MACROD2: variants seen among roughly 807,000 people sequenced by gnomAD.
MACROD2 encodes ADP-ribose glycohydrolase MACROD2.
MACROD2 carries 36 observed loss-of-function variants against 70.4 expected under a neutral mutation model. That is an observed-to-expected ratio of 0.51 (90% CI 0.39 to 0.68). The LOEUF (loss-of-function observed/expected upper bound fraction) is 0.68, where lower values mean the gene tolerates loss of function less well. Ranked by LOEUF, MACROD2 falls within the 30% of genes least tolerant of loss-of-function variation. The probability of loss-of-function intolerance (pLI) is 0.00; values close to 1 mark genes in which losing one functional copy is unlikely to be tolerated. For synonymous variants in MACROD2, 172 were observed against 178.8 expected, an observed-to-expected ratio of 0.96 and a Z score of 0.30; for missense variants, 496 against 538.4, an observed-to-expected ratio of 0.92 and a Z score of 0.78.
chr20:15,418,165 T>A (rs1356604325), intron 6 of MACROD2, among the ~76,000 whole-genome samples: 2 of 152,194 alleles, frequency 1.3e-5, no homozygotes, highest in Non-Finnish European at 2.9e-5. Context: ...TTTCTGTCAG[T>A]CTTACTTGGT....
chr20:16,022,496 T>C (rs1234263469), intron 15 of MACROD2, among the ~76,000 whole-genome samples: 1 of 152,232 alleles, frequency 6.6e-6, no homozygotes, highest in Non-Finnish European at 1.5e-5. Context: ...CCAATGACTC[T>C]CAAGCTTTTA....
In MACROD2 at chr20:14,810,205, A is replaced by T. The variant is rs556748957; in HGVS notation, c.418+125246A>T. The stretch of plus-strand genomic sequence containing the variant: ...AAAATCCTCAATAAAATACTGGCAA[A>T]CCAAATCCAACAGCATATCAAAAAA... On this transcript the variant is annotated intron_variant, in intron 5 of 17. Transcript: ENST00000684519. Among the ~76,000 whole-genome samples, 135 of 152,274 alleles carry T rather than the reference A, an allele frequency of 8.9e-4. 1 individual carries two copies. The highest frequency in any genetic ancestry group is 1.5e-3 in the Non-Finnish European group (104 of 67,996).
chr20:15,253,930 A>G (rs898744088), intron 6 of MACROD2, among the ~76,000 whole-genome samples: 1 of 152,190 alleles, frequency 6.6e-6, no homozygotes, highest in African/African-American at 2.4e-5. Context: ...ATGTAATTTT[A>G]TTCTCCAAGG....
At chr20:15,021,117 TAC>T (rs201279561) in intron 5 of MACROD2, among the ~76,000 whole-genome samples, 2 of 118,930 alleles carry the variant, frequency 1.7e-5, no homozygotes, top group African/African-American at 6.8e-5. Flanking sequence ...TGTATGTGTA[TAC>T]ACGTGTGTAT....
intron 8 of MACROD2, among the ~76,000 whole-genome samples, chr20:15,850,412 C>T (rs534167163): frequency 1.3e-5 from 2 of 152,204 alleles, no homozygotes; most frequent in African/African-American, 4.8e-5. Flanking sequence ...AGCCCTCAGG[C>T]AAAGAAGTGC....
chr20:15,602,049 T>G (rs1317267138), intron 8 of MACROD2, among the ~76,000 whole-genome samples: 1 of 151,770 alleles, frequency 6.6e-6, no homozygotes, highest in Admixed American at 6.6e-5. Flanking sequence ...GAACTTGAAC[T>G]GTTTCGATTC....
intron 4 of MACROD2, among the ~76,000 whole-genome samples, chr20:14,596,963 T>A (rs1436252472): frequency 2.6e-5 from 4 of 152,218 alleles, no homozygotes; most frequent in Non-Finnish European, 5.9e-5. Flanking sequence ...GGAAATTTGA[T>A]GTTAAGTATC....
intron 8 of MACROD2, among the ~76,000 whole-genome samples, chr20:15,593,134 T>G (rs773274572): frequency 6.6e-6 from 1 of 152,162 alleles, no homozygotes; most frequent in Non-Finnish European, 1.5e-5. Flanking sequence ...TTCTTTATCA[T>G]TGTGTGTTAG....
chr20:15,155,985 G>T (rs989365800), intron 5 of MACROD2, among the ~76,000 whole-genome samples: 2 of 152,152 alleles, frequency 1.3e-5, no homozygotes, highest in Non-Finnish European at 2.9e-5. Context: ...TGGTGTGTGG[G>T]TTTTAAATAA....
At position 14,748,474 on chromosome 20, in the gene MACROD2, A is replaced by G. The variant is rs543297639; in HGVS notation, c.418+63515A>G. Among the ~76,000 whole-genome samples the G allele has an allele frequency of 1.6e-4, 24 of 152,232 alleles. 1 individual carries two copies. Among genetic ancestry groups the G allele is most frequent in the African/African-American group, 4.6e-4 (19 of 41,490 alleles). ...TTGTAAATATTTGTCACGAACTATC[A>G]AGAAGCAGAAATTTTGTATCTTAAC... On this transcript the variant is annotated intron_variant, in intron 5 of 17. Coordinates refer to ENST00000684519, the MANE Select transcript of MACROD2 (RefSeq NM_001351661.2).
At chr20:14,645,614 C>T (rs1473042495) in intron 4 of MACROD2, among the ~76,000 whole-genome samples, 1 of 151,934 alleles carries the variant, frequency 6.6e-6, no homozygotes, top group Admixed American at 6.6e-5. Context: ...TATCATACTT[C>T]CGTGTGTAAG....
chr20:14,659,331 G>C (rs940781212), intron 4 of MACROD2, among the ~76,000 whole-genome samples: 1 of 152,078 alleles, frequency 6.6e-6, no homozygotes. Flanking sequence ...AACACTTGTT[G>C]AACTAGAAAT....
intron 3 of MACROD2, among the ~76,000 whole-genome samples, chr20:14,426,809 G>T (rs996447299): frequency 3.9e-5 from 6 of 152,076 alleles, no homozygotes; most frequent in African/African-American, 1.4e-4. Flanking sequence ...TTGTGCTTAC[G>T]TTCACTTAAT....
intron 5 of MACROD2, among the ~76,000 whole-genome samples, chr20:15,181,538 T>C (rs553758409): frequency 1.8e-4 from 28 of 152,328 alleles, no homozygotes; most frequent in African/African-American, 6.7e-4. Flanking sequence ...AGCAATGAAT[T>C]TTAGAAAGTG....
At chr20:14,542,451 A>G (rs1483959021) in intron 4 of MACROD2, among the ~76,000 whole-genome samples, 2 of 152,236 alleles carry the variant, frequency 1.3e-5, no homozygotes, top group Non-Finnish European at 2.9e-5. Context: ...AAAATAATCC[A>G]TAACTTAATG....
intron 8 of MACROD2, among the ~76,000 whole-genome samples, chr20:15,599,317 G>A (rs568049695): frequency 2.6e-5 from 4 of 152,148 alleles, no homozygotes; most frequent in East Asian, 1.9e-4. Flanking sequence ...GCTTGAACCC[G>A]GGAGGCAGAG....
intron 5 of MACROD2, among the ~76,000 whole-genome samples, chr20:14,925,176 A>G (rs1225333406): frequency 6.6e-6 from 1 of 151,956 alleles, no homozygotes; most frequent in Non-Finnish European, 1.5e-5. Flanking sequence ...TCTCAATCTC[A>G]TCTCAAAGAT....
intron 5 of MACROD2, among the ~76,000 whole-genome samples, chr20:15,023,403 A>G (rs948806131): frequency 1.3e-5 from 2 of 152,146 alleles, no homozygotes; most frequent in African/African-American, 4.8e-5. Context: ...TGGCTCTTAA[A>G]TATGTCTTCC....
At chr20:14,355,704 T>G (rs556650107) in intron 3 of MACROD2, among the ~76,000 whole-genome samples, 44 of 152,318 alleles carry the variant, frequency 2.9e-4, no homozygotes, top group African/African-American at 1.1e-3. Flanking sequence ...TATCAAAATG[T>G]TTACAGTGGT....
Sources: gnomAD v4.1 joint callset for allele counts (sites outside exome capture counted in the v4.1 genomes callset) on GRCh38, gnomAD v4.1.1 for gene constraint, MANE v1.5 for transcripts, NCBI Gene and HGNC (gene_info 2026-07-23, HGNC 2026-07-21) for gene names.